Variants in PDLIM2 observed in about 807,000 individuals in gnomAD.
The protein encoded by PDLIM2 is PDZ and LIM domain protein 2.
Under a neutral mutation model 54.1 loss-of-function variants are expected in PDLIM2, and 51 were observed. That is an observed-to-expected ratio of 0.94 (90% CI 0.75 to 1.19). The LOEUF (loss-of-function observed/expected upper bound fraction) is 1.19, where lower values mean the gene tolerates loss of function less well. Among genes scored for constraint, PDLIM2 ranks in the 50% most tolerant of loss-of-function variants. The pLI, the probability that PDLIM2 is intolerant of heterozygous loss-of-function variation, is 0.00. For synonymous variants in PDLIM2, 398 were observed against 385.6 expected (o/e 1.03, Z -0.38); for missense variants, 912 against 874.0 (o/e 1.04, Z -0.55).
At chr8:22,589,196 GC>G in intron 6 of PDLIM2, 101 bp from the exon 6 acceptor site, 6 of 1,290,426 alleles carry the variant, frequency 4.6e-6, no homozygotes, top group African/African-American at 1.5e-5. Flanking sequence ...AGGGCCGGGG[GC>G]CCCCTGGTGT....
chr8:22,580,552 C>T (rs1800157233), intron 1 of PDLIM2: 1 of 1,612,736 alleles, frequency 6.2e-7, no homozygotes, highest in Admixed American at 1.7e-5. Context: ...TACAGTGCCC[C>T]CAGAGCCGGC....
chr8:22,593,577 CAAAAAAAAAAA>C (rs59345957), intron 9 of PDLIM2, 145 bp from the exon 9 acceptor site: 98 of 390,150 alleles, frequency 2.5e-4, no homozygotes, highest in South Asian at 7.3e-4. Context: ...AACTCCATCT[CAAAAAAAAAAA>C]AAAAAAAAAA....
At position 22,589,722 on chromosome 8, in the gene PDLIM2, C is replaced by G. The variant is rs201597337; in HGVS notation, c.1494C>G (p.Ala498=). 2.0e-5 allele frequency: 32 copies of G among 1,569,112 alleles called. No individual in the cohort carries two copies. The East Asian group carries it at 5.9e-4, about 29-fold the overall frequency. ...GCTCCTTTCGGCTCTTGCAGGAAGC[C>G]CTGGAGGCTGAGGAGAGAGGTGAGG... is the stretch of plus-strand genomic sequence containing the variant. The change falls in exon 8 of 10, where the codon GCC becomes GCG. Residue 498 remains alanine (A), a synonymous_variant. Coordinates refer to ENST00000308354, the Ensembl canonical transcript of PDLIM2.
chr8:22,583,060 G>T (rs1392421719), intron 3 of PDLIM2, among the ~76,000 whole-genome samples: 1 of 151,966 alleles, frequency 6.6e-6, no homozygotes, highest in Non-Finnish European at 1.5e-5. Flanking sequence ...GGAAGCGGAG[G>T]GTCCTGTTGC....
chr8:22,582,161 TGCCAGGAGATCCCCGA>T (rs1488216011), intron 3 of PDLIM2, among the ~76,000 whole-genome samples: 1 of 152,152 alleles, frequency 6.6e-6, no homozygotes, highest in Non-Finnish European at 1.5e-5. Flanking sequence ...AGATCGGGAA[TGCCAGGAGATCCCCGA>T]GCCAGGAGAG....
At chr8:22,596,925 G>A (rs913846241), downstream of PDLIM2, 1 of 152,230 alleles carries the variant, frequency 6.6e-6, no homozygotes, top group Middle Eastern at 3.2e-3. Flanking sequence ...TGGATCTACA[G>A]CCTGCCTCCC....
At chr8:22,590,773 T>C (rs1000740890) in intron 8 of PDLIM2, 2 of 152,240 alleles carry the variant, frequency 1.3e-5, no homozygotes, top group African/African-American at 4.8e-5. Context: ...TTGAGTCCCA[T>C]TGGGGTGGCA....
chr8:22,591,486 A>G lies in PDLIM2; in HGVS notation c.1514-65A>G, dbSNP rs73672779. 7,124 of 1,440,990 alleles carry G rather than the reference A, an allele frequency of 4.9e-3. 283 individuals carry two copies. The African/African-American group carries it at 0.086, about 17-fold the overall frequency. The allele number at this position is 1,440,990 out of a possible 1,614,324, so 89.3% of individuals were successfully genotyped here. A position where few individuals can be genotyped will look rare whatever the true frequency, so the allele number is the denominator to read the frequency against. On this transcript the variant is annotated intron_variant, in intron 8 of 9. Coordinates refer to ENST00000308354, the Ensembl canonical transcript of PDLIM2. ...GTGCTTTCCAAGACCACCTCCTCAGAGCATCTTTGGGAGGATGCTGTGGTT... is the reference window on the plus strand; with the variant it reads ...GTGCTTTCCAAGACCACCTCCTCAGGGCATCTTTGGGAGGATGCTGTGGTT...
rs1315735519 is a variant in PDLIM2, at chr8:22,585,484, G to A, written c.1290+85G>A. ...TTGCCAGTGCCCCGGGACTGCAGGC[G>A]GCCAGGCCCACCTGGGCAGCCATGG... On this transcript the variant is annotated intron_variant, in intron 6 of 9. Transcript: ENST00000308354. 20 of 1,355,200 alleles carry A rather than the reference G, an allele frequency of 1.5e-5. No individual in the cohort carries two copies. The African/African-American group carries it at 1.9e-4, about 13-fold the overall frequency. 83.9% of individuals were successfully genotyped at this position (1,355,200 alleles called of 1,614,324 possible). A position where few individuals can be genotyped will look rare whatever the true frequency, so the allele number is the denominator to read the frequency against.
At chr8:22,591,875 A>G in intron 9 of PDLIM2, 2 of 494,942 alleles carry the variant, frequency 4.0e-6, no homozygotes, top group Non-Finnish European at 7.1e-6. Context: ...TTCCGGCTGC[A>G]TCTCCTCTCC....
intron 8 of PDLIM2, 102 bp downstream of exon 7, chr8:22,589,843 T>G: frequency 4.1e-6 from 6 of 1,462,514 alleles, no homozygotes; most frequent in Non-Finnish European, 5.6e-6. Context: ...GCCTGTGAGG[T>G]GCTCACCCCA....
At chr8:22,589,955 G>C in intron 8 of PDLIM2, 1 of 609,206 alleles carries the variant, frequency 1.6e-6, no homozygotes, top group East Asian at 2.9e-5. Flanking sequence ...TGCTCCCACA[G>C]AGTAGTGGGC....
exon 3 of PDLIM2, chr8:22,581,456 GGAGGGCATGCTGCATGCC>G (rs1268743929): frequency 6.8e-6 from 11 of 1,607,630 alleles, no homozygotes; most frequent in Non-Finnish European, 8.5e-6. Context: ...GGGAAAGCGC[GGAGGGCATGCTGCATGCC>G]GAGGCCCAGA....
exon 6 of PDLIM2, chr8:22,585,389 G>C (rs1378305183): frequency 2.1e-5 from 34 of 1,609,696 alleles, no homozygotes; most frequent in Non-Finnish European, 2.6e-5. Flanking sequence ...GGCCGCCCTG[G>C]AAGCCGACAG....
intron 6 of PDLIM2, 122 bp from the exon 6 acceptor site, chr8:22,589,176 C>T: frequency 1.0e-6 from 1 of 968,132 alleles, no homozygotes; most frequent in Non-Finnish European, 1.6e-6. Context: ...CAGGGGTCCG[C>T]TGGTCGGCGA....
At chr8:22,596,996 C>A (rs1563883350), downstream of PDLIM2, 1 of 152,198 alleles carries the variant, frequency 6.6e-6, no homozygotes, top group Non-Finnish European at 1.5e-5. Context: ...GCCTTCCAGG[C>A]ACAGCTCTGG....
Position 22,580,455 on chromosome 8 carries a change from T to G in PDLIM2, c.749-148T>G. On this transcript the variant is annotated intron_variant, in intron 1 of 9. Coordinates refer to ENST00000308354, the Ensembl canonical transcript of PDLIM2. ...GGGCTGAGGGAGGGAGTTAGCCACT[T>G]CCTCTACCCACCCCAAAGCCCCTGA... The G allele has an allele frequency of 6.7e-7, 1 of 1,501,644 alleles. No homozygotes were observed. The highest frequency in any genetic ancestry group is 2.5e-5 in the East Asian group (1 of 40,500). The allele number at this position is 1,501,644 out of a possible 1,614,324, so 93.0% of individuals were successfully genotyped here. A position where few individuals can be genotyped will look rare whatever the true frequency, so the allele number is the denominator to read the frequency against.
exon 9 of PDLIM2, chr8:22,591,604 G>C (rs141780037): frequency 6.2e-7 from 1 of 1,613,512 alleles, no homozygotes; most frequent in South Asian, 1.1e-5. Context: ...CTCCCTGCCC[G>C]CCTCCAGGGC....
downstream of PDLIM2, chr8:22,594,457 G>A (rs1455862624): frequency 1.9e-6 from 3 of 1,609,564 alleles, no homozygotes; most frequent in Non-Finnish European, 2.5e-6. Flanking sequence ...ATTTCCCATG[G>A]AAGGGCCTTG....
Sources: gnomAD v4.1 joint callset for allele counts (sites outside exome capture counted in the v4.1 genomes callset) on GRCh38, gnomAD v4.1.1 for gene constraint, MANE v1.5 for transcripts, NCBI Gene and HGNC (gene_info 2026-07-23, HGNC 2026-07-21) for gene names.